The following FAM168A variants were observed in gnomAD, a reference collection of about 807,000 sequenced individuals.
FAM168A encodes protein FAM168A.
A neutral mutation model predicts 28.5 loss-of-function variants in FAM168A; 3 were observed. The observed-to-expected ratio is 0.11, with a 90% CI of 0.05 to 0.27. The LOEUF (loss-of-function observed/expected upper bound fraction) is 0.27, where lower values mean the gene tolerates loss of function less well. Ranked by LOEUF, FAM168A falls within the 10% of genes least tolerant of loss-of-function variation. The pLI, the probability that FAM168A is intolerant of heterozygous loss-of-function variation, is 1.00. For missense variants in FAM168A, 222 were observed against 311.5 expected, an observed-to-expected ratio of 0.71 and a Z score of 2.16; for synonymous variants, 122 against 124.2, an observed-to-expected ratio of 0.98 and a Z score of 0.12.
chr11:73,572,469 T>C (rs1944112816), intron 1 of FAM168A, among the ~76,000 whole-genome samples: 1 of 151,868 alleles, frequency 6.6e-6, no homozygotes, highest in South Asian at 2.1e-4. Flanking sequence ...AGAAATCGGA[T>C]GGTTGCTGTG....
At chr11:73,501,062 G>A (rs967531226) in intron 1 of FAM168A, among the ~76,000 whole-genome samples, 2 of 150,400 alleles carry the variant, frequency 1.3e-5, no homozygotes, top group African/African-American at 2.4e-5. Flanking sequence ...TGACAAAACA[G>A]GCTTTAAACC....
At chr11:73,450,819 C>G (rs1376155725) in intron 2 of FAM168A, among the ~76,000 whole-genome samples, 1 of 152,126 alleles carries the variant, frequency 6.6e-6, no homozygotes, top group Non-Finnish European at 1.5e-5. Flanking sequence ...GCTTTGAGTT[C>G]AGAAGAGGAA....
At chr11:73,545,022 TA>T in intron 1 of FAM168A, among the ~76,000 whole-genome samples, 1 of 94,934 alleles carries the variant, frequency 1.1e-5, no homozygotes, top group African/African-American at 6.3e-5. Flanking sequence ...ATATATAGTA[TA>T]TATAATATAT....
intron 1 of FAM168A, among the ~76,000 whole-genome samples, chr11:73,544,732 TTA>T (rs1943705103): frequency 8.3e-6 from 1 of 121,168 alleles, no homozygotes; most frequent in South Asian, 2.4e-4. Flanking sequence ...TTATATGTAA[TTA>T]TATATAATTA....
chr11:73,514,248 TA>T (rs1268340503), intron 1 of FAM168A, among the ~76,000 whole-genome samples: 1 of 150,940 alleles, frequency 6.6e-6, no homozygotes, highest in African/African-American at 2.4e-5. Flanking sequence ...TAAAACAAAA[TA>T]AAAAAAAGGT....
intron 1 of FAM168A, among the ~76,000 whole-genome samples, chr11:73,484,530 A>ATATATCTATCTATATCTC (rs1868014626): frequency 7.4e-6 from 1 of 134,656 alleles, no homozygotes; most frequent in African/African-American, 2.6e-5. Context: ...ATATATATCT[A>ATATATCTATCTATATCTC]TATATCTATA....
At chr11:73,501,953 T>C (rs1242047250) in intron 1 of FAM168A, among the ~76,000 whole-genome samples, 1 of 151,894 alleles carries the variant, frequency 6.6e-6, no homozygotes, top group Non-Finnish European at 1.5e-5. Context: ...TACAAAAAAT[T>C]AGCCAGGTGT....
At chr11:73,544,128 T>A (rs983430826) in intron 1 of FAM168A, among the ~76,000 whole-genome samples, 1 of 151,806 alleles carries the variant, frequency 6.6e-6, no homozygotes, top group Non-Finnish European at 1.5e-5. Context: ...CAAGATTCAG[T>A]CTCTTAAAAA....
chr11:73,448,899 C>A (rs186089685), intron 2 of FAM168A, among the ~76,000 whole-genome samples: 1 of 152,114 alleles, frequency 6.6e-6, no homozygotes, highest in East Asian at 1.9e-4. Flanking sequence ...GAAAAATATA[C>A]CTCCTATTTA....
chr11:73,520,717 T>A (rs764988735), intron 1 of FAM168A, among the ~76,000 whole-genome samples: 4 of 152,104 alleles, frequency 2.6e-5, no homozygotes, highest in Non-Finnish European at 5.9e-5. Flanking sequence ...GGATGCCCTG[T>A]CTAAAATGAA....
intron 2 of FAM168A, among the ~76,000 whole-genome samples, chr11:73,434,437 A>C (rs1867053898): frequency 6.6e-6 from 1 of 152,256 alleles, no homozygotes; most frequent in Non-Finnish European, 1.5e-5. Flanking sequence ...CATATTGAGA[A>C]GGTATTATTT....
At chr11:73,585,741 G>A (rs1944305474) in intron 1 of FAM168A, among the ~76,000 whole-genome samples, 4 of 151,730 alleles carry the variant, frequency 2.6e-5, no homozygotes, top group East Asian at 1.9e-4. Flanking sequence ...GGTGGCACGC[G>A]CCCGTAAACC....
chr11:73,506,589 A>G (rs137875149), intron 1 of FAM168A, among the ~76,000 whole-genome samples: 243 of 152,308 alleles, frequency 1.6e-3, no homozygotes, highest in African/African-American at 5.7e-3. Context: ...TTACTAGAAA[A>G]GTCACTTCAA....
chr11:73,479,955 T>C (rs909014827), intron 1 of FAM168A, among the ~76,000 whole-genome samples: 3 of 152,260 alleles, frequency 2.0e-5, no homozygotes, highest in African/African-American at 7.2e-5. Context: ...AGTGGTTTTT[T>C]TCTTAATTCT....
At chr11:73,457,520 T>A (rs1265682589) in intron 2 of FAM168A, among the ~76,000 whole-genome samples, 1 of 151,384 alleles carries the variant, frequency 6.6e-6, no homozygotes, top group Non-Finnish European at 1.5e-5. Context: ...GTTCTGGAAA[T>A]AGTGGGGATA....
chr11:73,500,073 A>G (rs188415555), intron 1 of FAM168A, among the ~76,000 whole-genome samples: 36 of 152,232 alleles, frequency 2.4e-4, no homozygotes, highest in Non-Finnish European at 4.7e-4. Flanking sequence ...CATCATCATC[A>G]GATTCTCCAA....
intron 1 of FAM168A, among the ~76,000 whole-genome samples, chr11:73,479,232 GA>G (rs896279721): frequency 2.0e-5 from 3 of 152,136 alleles, no homozygotes; most frequent in Non-Finnish European, 4.4e-5. Flanking sequence ...TGATTTCATG[GA>G]ACAATCATTT....
intron 1 of FAM168A, among the ~76,000 whole-genome samples, chr11:73,579,381 T>C (rs1944217037): frequency 6.6e-6 from 1 of 152,204 alleles, no homozygotes; most frequent in Admixed American, 6.5e-5. Flanking sequence ...TAAGTAACTA[T>C]ATAATATAAA....
At chr11:73,422,503 C>T (rs571597320) in intron 3 of FAM168A, among the ~76,000 whole-genome samples, 30 of 152,226 alleles carry the variant, frequency 2.0e-4, no homozygotes, top group African/African-American at 6.7e-4. Flanking sequence ...CTCCATATAA[C>T]GATTCTAAAG....
Sources: allele counts gnomAD v4.1 joint callset (sites outside exome capture counted in the v4.1 genomes callset), GRCh38; gene constraint gnomAD v4.1.1; transcripts MANE v1.5; gene names NCBI Gene and HGNC (gene_info 2026-07-23, HGNC 2026-07-21).